Variants in SLC6A7 observed in about 807,000 individuals in gnomAD.
SLC6A7 encodes sodium-dependent proline transporter.
In SLC6A7, 58 loss-of-function variants were observed where a neutral mutation model predicts 73.1. The observed-to-expected ratio is 0.79, with a 90% CI of 0.64 to 0.99. The LOEUF (loss-of-function observed/expected upper bound fraction) is 0.99, where lower values mean the gene tolerates loss of function less well. SLC6A7 is among the 50% of genes least tolerant of loss of function. The probability of loss-of-function intolerance (pLI) is 0.00; values close to 1 mark genes in which losing one functional copy is unlikely to be tolerated. For missense variants in SLC6A7, 783 were observed against 831.4 expected, an observed-to-expected ratio of 0.94 and a Z score of 0.72; for synonymous variants, 338 against 338.7, an observed-to-expected ratio of 1.00 and a Z score of 0.02.
chr5:150,203,289 TGTGTGGAG>T (rs1164735375), intron 8 of SLC6A7, among the ~76,000 whole-genome samples: 2 of 152,200 alleles, frequency 1.3e-5, no homozygotes, highest in Non-Finnish European at 2.9e-5. Flanking sequence ...AGTCATATTG[TGTGTGGAG>T]GTGTCTATGT....
rs1406047475 is a variant in SLC6A7 at position 150,205,441 on chromosome 5, G to C, written c.1534-15G>C. On this transcript the variant is annotated splice_polypyrimidine_tract_variant and intron_variant, in intron 12 of 13. Transcript: ENST00000230671. ...ACAAAAGCCCGCAGTGATGCTGGGA[G>C]TCCCCACTCTGCAGGCCCTCATGGT... is the stretch of plus-strand genomic sequence containing the variant. 1 of 1,576,072 alleles carries C rather than the reference G, an allele frequency of 6.3e-7. No homozygotes were observed. The highest frequency in any genetic ancestry group is 8.6e-7 in the Non-Finnish European group (1 of 1,159,324).
At chr5:150,206,635 C>T (rs1753715306) in intron 13 of SLC6A7, among the ~76,000 whole-genome samples, 1 of 152,358 alleles carries the variant, frequency 6.6e-6, no homozygotes, top group South Asian at 2.1e-4. Context: ...CTCCCCCATC[C>T]TGCTGCCAGA....
intron 1 of SLC6A7, 24 bp downstream of exon 1, chr5:150,190,384 T>TG: frequency 6.8e-7 from 1 of 1,476,476 alleles, no homozygotes; most frequent in Non-Finnish European, 9.0e-7. Context: ...GCGGGGGCGC[T>TG]GGGGGTGCAC....
intron 13 of SLC6A7, among the ~76,000 whole-genome samples, chr5:150,208,642 A>G (rs79676579): frequency 0.031 from 4,767 of 152,284 alleles, 93 homozygotes; most frequent in East Asian, 0.091. Flanking sequence ...CACACATGGT[A>G]TCTCCCTCGG....
At chr5:150,204,966 C>A (rs1386864591) in intron 12 of SLC6A7, 39 bp downstream of exon 12, 1 of 1,321,446 alleles carries the variant, frequency 7.6e-7, no homozygotes, top group South Asian at 1.2e-5. Flanking sequence ...GCTGGGGCCC[C>A]AGAATTGAAA....
chr5:150,190,816 G>A (rs1752749675), intron 1 of SLC6A7, among the ~76,000 whole-genome samples: 1 of 152,142 alleles, frequency 6.6e-6, no homozygotes, highest in African/African-American at 2.4e-5. Flanking sequence ...CTGAGCCTGC[G>A]GGAAGACTCT....
chr5:150,209,722 G>T lies in SLC6A7; in HGVS notation c.*107G>T. On this transcript the variant is annotated 3_prime_UTR_variant, in exon 14 of 14. Coordinates refer to ENST00000230671, the MANE Select transcript of SLC6A7 (RefSeq NM_014228.5). Reference sequence around the variant, plus strand: ...CTGGGATTCTGAGAGGCTATGGGGGGGCCTGCCATAGGGATGCCAGTCCCC... The same window carrying T: ...CTGGGATTCTGAGAGGCTATGGGGGTGCCTGCCATAGGGATGCCAGTCCCC... The T allele has an allele frequency of 1.1e-6, 1 of 946,590 alleles. No homozygotes were observed. The highest frequency in any genetic ancestry group is 1.6e-6 in the Non-Finnish European group (1 of 612,968). The allele number at this position is 946,590 out of a possible 1,614,324, so 58.6% of individuals were successfully genotyped here.
At chr5:150,190,476 TG>T in intron 1 of SLC6A7, 116 bp downstream of exon 1, 1 of 663,914 alleles carries the variant, frequency 1.5e-6, no homozygotes, top group African/African-American at 1.9e-5. Flanking sequence ...CTTCGGGCTC[TG>T]GGGAAGGCCC....
At position 150,205,556 on chromosome 5, in the gene SLC6A7, T is replaced by G; in HGVS notation, c.1634T>G (p.Leu545Arg). Residue 545 changes from leucine to arginine, a missense_variant, in exon 13 of 14, where the codon CTG becomes CGG. Transcript: ENST00000230671. Reference protein sequence around the residue: ...AELLGILMGLLSCLMIPAGML... With the variant: ...AELLGILMGLRSCLMIPAGML... ...CTGCTGGGCATCCTGATGGGCCTGC[T>G]GTCCTGCCTCATGATCCCAGCTGGC... is the stretch of plus-strand genomic sequence containing the variant. The G allele has an allele frequency of 6.2e-7, 1 of 1,613,710 alleles. No individual in the cohort carries two copies. Among genetic ancestry groups the G allele is most frequent in the Non-Finnish European group, 8.5e-7 (1 of 1,179,854 alleles).
chr5:150,206,514 C>T (rs866723595), intron 13 of SLC6A7, among the ~76,000 whole-genome samples: 3 of 152,234 alleles, frequency 2.0e-5, no homozygotes, highest in African/African-American at 7.2e-5. Context: ...GTCTGCTTAC[C>T]AGCACACTAC....
Position 150,203,748 on chromosome 5 carries a change from T to C in SLC6A7, c.1169T>C (p.Phe390Ser). Residue 390 changes from phenylalanine (F) to serine (S), a missense_variant, in exon 9 of 14, where the codon TTC becomes TCC. By Grantham distance (155) the Phe-to-Ser change is radical. Coordinates refer to ENST00000230671, the MANE Select transcript of SLC6A7 (RefSeq NM_014228.5). ...LSPFWSFLFF[F>S]MLLTLGLDSQ... ...CCCTTCTGGTCCTTTCTCTTCTTCT[T>C]CATGCTTCTGACTCTCGGCCTAGAT... 1 of 1,609,804 alleles carries C rather than the reference T, an allele frequency of 6.2e-7. No individual in the cohort carries two copies. Among genetic ancestry groups the C allele is most frequent in the East Asian group, 2.2e-5 (1 of 44,820 alleles).
rs533125366 is a variant in SLC6A7, at chr5:150,200,728, G to T, written c.724-361G>T. Among the ~76,000 whole-genome samples the T allele has an allele frequency of 6.6e-5, 10 of 152,318 alleles. No homozygotes were observed. The South Asian group carries it at 1.9e-3, about 28-fold the overall frequency. ...ACTTGATGGTGTTTGCTGAAGCGGTGGCTGGAGGTTTGGGAAAAGAAGGAA... is the reference window on the plus strand; with the variant it reads ...ACTTGATGGTGTTTGCTGAAGCGGTTGCTGGAGGTTTGGGAAAAGAAGGAA... On this transcript the variant is annotated intron_variant, in intron 5 of 13. Transcript: ENST00000230671.
rs922496984 is a variant in SLC6A7 at position 150,210,221 on chromosome 5, T to A, written c.*606T>A. On this transcript the variant is annotated 3_prime_UTR_variant, in exon 14 of 14. Coordinates refer to ENST00000230671, the MANE Select transcript of SLC6A7 (RefSeq NM_014228.5). ...GGTGGGAGCTGAGGGCCCTGGAGGA[T>A]GGGGAAGGTTTGCAGAGAGAGGAAG... 33 of 159,486 alleles carry A rather than the reference T, an allele frequency of 2.1e-4. 1 individual carries two copies. Among genetic ancestry groups the A allele is most frequent in the Admixed American group, 2.0e-3 (32 of 16,266 alleles). 9.9% of individuals were successfully genotyped at this position (159,486 alleles called of 1,614,324 possible).
intron 6 of SLC6A7, 25 bp from the exon 7 acceptor site, chr5:150,202,322 T>C: frequency 6.6e-7 from 1 of 1,524,544 alleles, no homozygotes; most frequent in South Asian, 1.1e-5. Flanking sequence ...CCGCACACCC[T>C]CCCTTTCCAT....
chr5:150,205,084 C>T (rs1753617332), intron 12 of SLC6A7, among the ~76,000 whole-genome samples, 157 bp downstream of exon 12: 1 of 152,250 alleles, frequency 6.6e-6, no homozygotes, highest in Admixed American at 6.5e-5. Context: ...CTGATGTTCC[C>T]AGCTTCTGTA....
At position 150,204,600 on chromosome 5, in the gene SLC6A7, C is replaced by T. The variant is rs1245534502; in HGVS notation, c.1401C>T (p.Ile467=). Residue 467 remains isoleucine, a synonymous_variant, in exon 11 of 14, where the codon ATC becomes ATT. Coordinates refer to ENST00000230671, the MANE Select transcript of SLC6A7 (RefSeq NM_014228.5). Reference sequence around the variant, plus strand: ...GCTTCGGGCTGATGGTGGTGGTTATCACCACGTGCCTTGCCGTGACACGGG... The same window carrying T: ...GCTTCGGGCTGATGGTGGTGGTTATTACCACGTGCCTTGCCGTGACACGGG... ...SASFGLMVVV[I]TTCLAVTRVY... The T allele has an allele frequency of 1.9e-6, 3 of 1,613,864 alleles. No homozygotes were observed. The highest frequency in any genetic ancestry group is 2.5e-6 in the Non-Finnish European group (3 of 1,179,710).
intron 10 of SLC6A7, 28 bp from the exon 11 acceptor site, chr5:150,204,504 G>A (rs768308761): frequency 2.0e-6 from 3 of 1,534,974 alleles, no homozygotes; most frequent in Admixed American, 3.6e-5. Flanking sequence ...CCCAGGAAGG[G>A]GACACCAGAA....
chr5:150,196,046 A>C (rs1015587968), intron 2 of SLC6A7, among the ~76,000 whole-genome samples: 9 of 152,192 alleles, frequency 5.9e-5, no homozygotes, highest in Non-Finnish European at 1.2e-4. Context: ...GTCTGAATGA[A>C]TCTATACAGA....
At chr5:150,199,933 T>C (rs1293204242) in intron 5 of SLC6A7, among the ~76,000 whole-genome samples, 1 of 152,140 alleles carries the variant, frequency 6.6e-6, no homozygotes, top group Non-Finnish European at 1.5e-5. Flanking sequence ...CTTTCCCCAG[T>C]TTGCAACTAT....
Sources: gnomAD v4.1 joint callset for allele counts (sites outside exome capture counted in the v4.1 genomes callset) on GRCh38, gnomAD v4.1.1 for gene constraint, MANE v1.5 for transcripts, NCBI Gene and HGNC (gene_info 2026-07-23, HGNC 2026-07-21) for gene names.